Variants in CD244 observed in about 807,000 individuals in gnomAD.
The protein encoded by CD244 is CD244 molecule.
Under a neutral mutation model 45.5 loss-of-function variants are expected in CD244, and 20 were observed. The observed-to-expected ratio is 0.44, with a 90% CI of 0.31 to 0.64. The LOEUF (loss-of-function observed/expected upper bound fraction) is 0.64, where lower values mean the gene tolerates loss of function less well. Among genes scored for constraint, CD244 ranks in the 30% least tolerant of loss-of-function variants. The pLI, the probability that CD244 is intolerant of heterozygous loss-of-function variation, is 0.08. For synonymous variants in CD244, 185 were observed against 160.5 expected (o/e 1.15, Z -1.15); for missense variants, 407 against 426.9 (o/e 0.95, Z 0.41).
At chr1:160,862,020 G>T (rs1370001311) in intron 1 of CD244, among the ~76,000 whole-genome samples, 1 of 152,132 alleles carries the variant, frequency 6.6e-6, no homozygotes, top group Non-Finnish European at 1.5e-5. Context: ...ACAGCTTTAG[G>T]TTTGCTGTGG....
chr1:160,862,517 G>T, intron 1 of CD244, 100 bp downstream of exon 1: 2 of 1,008,158 alleles, frequency 2.0e-6, no homozygotes, highest in South Asian at 1.5e-5. Context: ...AGTTCCAGAT[G>T]ACTGTGTATG....
intron 6 of CD244, among the ~76,000 whole-genome samples, chr1:160,834,912 G>A (rs547632572): frequency 6.6e-6 from 1 of 152,270 alleles, no homozygotes; most frequent in African/African-American, 2.4e-5. Flanking sequence ...CTCCAGAGGA[G>A]GACTGTCATT....
In CD244 at chr1:160,841,841, G is replaced by T. The variant is rs1213172743; in HGVS notation, c.122C>A (p.Pro41Gln). 5.0e-6 allele frequency: 8 copies of T among 1,614,162 alleles called. No homozygotes were observed. Among genetic ancestry groups the T allele is most frequent in the Non-Finnish European group, 6.8e-6 (8 of 1,180,016 alleles). The change falls in exon 2 of 9, where the codon CCA (proline) becomes CAA (glutamine). Residue 41 changes from proline to glutamine, a missense_variant. Physicochemically the swap from Pro to Gln is moderately conservative, Grantham distance 76. Coordinates refer to ENST00000368034, the MANE Select transcript of CD244 (RefSeq NM_016382.4). ...GTCAACCTTCGTCTGTATGCTGTTT[G>T]GTTGTAACTGAAGAGGCACTCCCGA... ...SISGVPLQLQ[P>Q]NSIQTKVDSI...
chr1:160,854,551 C>CTTTTTTT (rs61651879), intron 1 of CD244, among the ~76,000 whole-genome samples: 2 of 141,682 alleles, frequency 1.4e-5, no homozygotes, highest in Non-Finnish European at 1.5e-5. Context: ...CCCAGCTATT[C>CTTTTTTT]TTTTTTTTTT....
chr1:160,841,936 A>G (rs1488719660), intron 1 of CD244, 35 bp from the exon 2 acceptor site: 1 of 1,592,424 alleles, frequency 6.3e-7, no homozygotes, highest in Non-Finnish European at 8.6e-7. Context: ...AGTAGCGGGA[A>G]GAGTGTCAGG....
chr1:160,832,208 T>G (rs760968224), intron 8 of CD244, among the ~76,000 whole-genome samples: 3 of 152,064 alleles, frequency 2.0e-5, no homozygotes, highest in Non-Finnish European at 4.4e-5. Flanking sequence ...CTCCGAACAC[T>G]CTTGGAAAGG....
chr1:160,853,400 T>G (rs866195336), intron 1 of CD244, among the ~76,000 whole-genome samples: 2 of 152,164 alleles, frequency 1.3e-5, no homozygotes, highest in East Asian at 1.9e-4. Flanking sequence ...CAAAAAGGAA[T>G]GACTGGGTGC....
intron 7 of CD244, chr1:160,832,830 C>A: frequency 2.0e-6 from 1 of 510,154 alleles, no homozygotes; most frequent in Non-Finnish European, 3.7e-6. Flanking sequence ...GTTCCATACC[C>A]ACATACACCT....
intron 1 of CD244, among the ~76,000 whole-genome samples, chr1:160,849,807 G>A (rs1055501773): frequency 1.3e-5 from 2 of 152,208 alleles, no homozygotes; most frequent in Non-Finnish European, 2.9e-5. Context: ...GAGGTCAGGA[G>A]TTCGAGACCA....
chr1:160,834,932 C>A (rs1669276422), intron 6 of CD244, among the ~76,000 whole-genome samples: 1 of 152,174 alleles, frequency 6.6e-6, no homozygotes, highest in Non-Finnish European at 1.5e-5. Flanking sequence ...TCTCACCCAA[C>A]ACCATAGTTT....
intron 7 of CD244, 42 bp from the exon 8 acceptor site, chr1:160,832,617 G>A (rs1362998131): frequency 1.2e-6 from 2 of 1,609,840 alleles, no homozygotes; most frequent in African/African-American, 2.7e-5. Flanking sequence ...TTCGAGATAA[G>A]TGCTCTCCCA....
intron 1 of CD244, among the ~76,000 whole-genome samples, chr1:160,857,358 A>G (rs1347653324): frequency 2.0e-5 from 3 of 152,242 alleles, no homozygotes; most frequent in African/African-American, 7.2e-5. Context: ...GCATTATTAT[A>G]ATAGCAAAAA....
intron 1 of CD244, among the ~76,000 whole-genome samples, chr1:160,859,197 A>G (rs1670208281): frequency 6.6e-6 from 1 of 152,146 alleles, no homozygotes; most frequent in South Asian, 2.1e-4. Context: ...CCAGCAAAGG[A>G]GCAGCATCCC....
intron 1 of CD244, among the ~76,000 whole-genome samples, chr1:160,856,426 C>A (rs925621035): frequency 1.3e-5 from 2 of 152,150 alleles, no homozygotes; most frequent in African/African-American, 4.8e-5. Context: ...GTTTCCCATC[C>A]AAACCCCATG....
chr1:160,834,013 TCAA>T, intron 7 of CD244, 35 bp downstream of exon 7: 3 of 1,487,372 alleles, frequency 2.0e-6, no homozygotes, highest in Middle Eastern at 1.7e-4. Context: ...CACATCTACA[TCAA>T]CAACACCCCA....
At chr1:160,843,130 C>T (rs1669606412) in intron 1 of CD244, among the ~76,000 whole-genome samples, 1 of 152,214 alleles carries the variant, frequency 6.6e-6, no homozygotes, top group African/African-American at 2.4e-5. Context: ...CTGGCATTTT[C>T]TCAAGAGACT....
chr1:160,848,147 G>T, intron 1 of CD244: 2 of 468,390 alleles, frequency 4.3e-6, no homozygotes, highest in East Asian at 5.2e-5. Context: ...GAAATGATTT[G>T]GTTACAAGAG....
In CD244 at chr1:160,831,442, G is replaced by A; in HGVS notation, c.1018-15C>T. On this transcript the variant is annotated splice_polypyrimidine_tract_variant and intron_variant, in intron 8 of 8. Transcript: ENST00000368034. ...CTCTTTCCAATCTGCAAAAGAAAAG[G>A]AGAAACTTCAGACCCTTGCACTGGG... is the stretch of plus-strand genomic sequence containing the variant. The A allele has an allele frequency of 1.9e-6, 3 of 1,600,010 alleles. No individual in the cohort carries two copies. Among genetic ancestry groups the A allele is most frequent in the Middle Eastern group, 3.3e-4 (2 of 6,040 alleles).
chr1:160,838,760 G>A, intron 4 of CD244, 179 bp downstream of exon 4: 1 of 616,416 alleles, frequency 1.6e-6, no homozygotes, highest in Non-Finnish European at 2.9e-6. Context: ...CAGAAGGCAT[G>A]AACTGGGAGA....
Sources: allele counts gnomAD v4.1 joint callset (sites outside exome capture counted in the v4.1 genomes callset), GRCh38; gene constraint gnomAD v4.1.1; transcripts MANE v1.5; gene names NCBI Gene and HGNC (gene_info 2026-07-23, HGNC 2026-07-21).